The following KCNG3 variants were observed in gnomAD, a reference collection of about 807,000 sequenced individuals.
The protein encoded by KCNG3 is voltage-gated potassium channel regulatory subunit KCNG3.
Under a neutral mutation model 29.0 loss-of-function variants are expected in KCNG3, and 15 were observed. The observed-to-expected ratio is 0.52, with a 90% confidence interval of 0.35 to 0.80. The LOEUF is 0.80. Ranked by LOEUF, KCNG3 falls within the 30% of genes least tolerant of loss-of-function variation. The pLI is 0.01. For missense variants in KCNG3, 512 were observed against 605.7 expected, an observed-to-expected ratio of 0.85 and a Z score of 1.62; for synonymous variants, 322 against 248.9, an observed-to-expected ratio of 1.29 and a Z score of -2.76.
intron 1 of KCNG3, among the ~76,000 whole-genome samples, chr2:42,483,430 G>A (rs774284801): frequency 2.7e-4 from 41 of 152,284 alleles, no homozygotes; most frequent in Non-Finnish European, 4.7e-4. Context: ...CGTGTTCTGT[G>A]CCACTGTTTG....
the KCNG3 span, among the ~76,000 whole-genome samples, chr2:42,389,004 A>G: frequency 5.3e-5 from 8 of 151,998 alleles, no homozygotes; most frequent in East Asian, 1.4e-3. Context: ...TGTAACCCCT[A>G]TCTCCCAGGT....
At position 42,454,609 on chromosome 2, in the gene KCNG3, G is replaced by A. The variant is rs536076196; in HGVS notation, c.666-10030C>T. Among the ~76,000 whole-genome samples the A allele has an allele frequency of 2.6e-5, 4 of 152,230 alleles. No individual in the cohort carries two copies. In the East Asian group the frequency reaches 7.7e-4, roughly 29 times the overall value. On this transcript the variant is annotated intron_variant, in intron 1 of 1. Coordinates refer to ENST00000306078, the MANE Select transcript of KCNG3 (RefSeq NM_133329.6). ...TGCCTGTAATCCCAGCTACTCGGGA[G>A]GCTGAGGCAGGAGAATCACTTGAAC...
the KCNG3 span, among the ~76,000 whole-genome samples, chr2:42,400,287 C>T: frequency 6.6e-6 from 1 of 152,114 alleles, no homozygotes; most frequent in African/African-American, 2.4e-5. Flanking sequence ...GGTCAAGGGA[C>T]CTGCAGGATG....
intron 1 of KCNG3, among the ~76,000 whole-genome samples, chr2:42,479,016 A>G (rs1673511666): frequency 6.6e-6 from 1 of 150,530 alleles, no homozygotes; most frequent in Non-Finnish European, 1.5e-5. Context: ...AGTATCCCAA[A>G]TTCGAAATCC....
chr2:42,408,936 T>A, the KCNG3 span, among the ~76,000 whole-genome samples: 1 of 152,134 alleles, frequency 6.6e-6, no homozygotes, highest in African/African-American at 2.4e-5. Flanking sequence ...AGTTTCTGAA[T>A]GCTTGTTCCC....
intron 1 of KCNG3, among the ~76,000 whole-genome samples, chr2:42,481,300 C>G (rs1673577478): frequency 1.3e-5 from 2 of 152,170 alleles, no homozygotes; most frequent in African/African-American, 4.8e-5. Flanking sequence ...AACCCTGACA[C>G]CACAGCCTGG....
At chr2:42,451,709 G>C (rs1672758409) in intron 1 of KCNG3, among the ~76,000 whole-genome samples, 1 of 152,064 alleles carries the variant, frequency 6.6e-6, no homozygotes, top group African/African-American at 2.4e-5. Flanking sequence ...CTGGGCGACA[G>C]AGCAAGACTT....
chr2:42,454,542 T>C (rs1672834608), intron 1 of KCNG3, among the ~76,000 whole-genome samples: 1 of 152,046 alleles, frequency 6.6e-6, no homozygotes, highest in Admixed American at 6.6e-5. Flanking sequence ...CAAAACCTCG[T>C]CTCTACTAAA....
intron 1 of KCNG3, among the ~76,000 whole-genome samples, chr2:42,471,971 C>CA (rs1673301486): frequency 6.6e-6 from 1 of 151,214 alleles, no homozygotes; most frequent in Non-Finnish European, 1.5e-5. Flanking sequence ...TAAAGTCTGA[C>CA]AACATGTAGA....
chr2:42,468,030 G>C (rs745885071), intron 1 of KCNG3, among the ~76,000 whole-genome samples: 1 of 149,650 alleles, frequency 6.7e-6, no homozygotes, highest in Non-Finnish European at 1.5e-5. Context: ...CAGTACAAGA[G>C]AGAAAAACTG....
intron 1 of KCNG3, among the ~76,000 whole-genome samples, chr2:42,481,936 C>T (rs1673594833): frequency 6.6e-6 from 1 of 152,188 alleles, no homozygotes; most frequent in Non-Finnish European, 1.5e-5. Context: ...ACACTTATCG[C>T]CCTCTGGGTT....
At chr2:42,435,661 T>C in the KCNG3 span, among the ~76,000 whole-genome samples, 2 of 152,124 alleles carry the variant, frequency 1.3e-5, no homozygotes, top group African/African-American at 4.8e-5. Flanking sequence ...AGCATTGTCA[T>C]TAGGGAAATG....
At chr2:42,434,614 C>T in the KCNG3 span, among the ~76,000 whole-genome samples, 1 of 136,700 alleles carries the variant, frequency 7.3e-6, no homozygotes, top group East Asian at 2.2e-4. Flanking sequence ...TGCAGTGAGC[C>T]GAGATCGCAC....
At chr2:42,430,240 C>G in the KCNG3 span, among the ~76,000 whole-genome samples, 20 of 151,370 alleles carry the variant, frequency 1.3e-4, no homozygotes, top group African/African-American at 4.9e-4. Flanking sequence ...TCATGGTGCA[C>G]GCCTGCAGTC....
At chr2:42,407,377 A>C in the KCNG3 span, among the ~76,000 whole-genome samples, 1 of 152,064 alleles carries the variant, frequency 6.6e-6, no homozygotes, top group Non-Finnish European at 1.5e-5. Flanking sequence ...CATGTTGCCC[A>C]GGCTGGTCTC....
intron 1 of KCNG3, chr2:42,470,349 A>T: frequency 4.2e-6 from 1 of 237,630 alleles, no homozygotes; most frequent in South Asian, 5.9e-5. Context: ...AAACACCATA[A>T]ACAAAGTAAA....
At chr2:42,489,216 C>A (rs530071249) in intron 1 of KCNG3, among the ~76,000 whole-genome samples, 117 of 152,020 alleles carry the variant, frequency 7.7e-4, no homozygotes, top group Admixed American at 1.7e-3. Flanking sequence ...CTGTGAGACC[C>A]CATGTCTACA....
the KCNG3 span, among the ~76,000 whole-genome samples, chr2:42,394,177 A>G: frequency 7.2e-5 from 11 of 152,298 alleles, no homozygotes; most frequent in African/African-American, 2.6e-4. Context: ...AATTTTATTG[A>G]CCAGAACTGG....
the KCNG3 span, among the ~76,000 whole-genome samples, chr2:42,403,867 C>A: frequency 6.6e-6 from 1 of 152,140 alleles, no homozygotes; most frequent in African/African-American, 2.4e-5. Context: ...TCCCAAAGTG[C>A]TGGGATTACG....
Sources: allele counts gnomAD v4.1 joint callset (sites outside exome capture counted in the v4.1 genomes callset), GRCh38; gene constraint gnomAD v4.1.1; transcripts MANE v1.5; gene names NCBI Gene and HGNC (gene_info 2026-07-23, HGNC 2026-07-21).